TASP1: variants seen among roughly 807,000 people sequenced by gnomAD.
TASP1 encodes the protein taspase 1, also known as threonine aspartase 1.
A neutral mutation model predicts 56.6 loss-of-function variants in TASP1; 16 were observed. That is an observed-to-expected ratio of 0.28 (90% CI 0.19 to 0.43). The LOEUF (loss-of-function observed/expected upper bound fraction) is 0.43, where lower values mean the gene tolerates loss of function less well. Ranked by LOEUF, TASP1 falls within the 20% of genes least tolerant of loss-of-function variation. The probability of loss-of-function intolerance (pLI) is 1.00; values close to 1 mark genes in which losing one functional copy is unlikely to be tolerated. For synonymous variants in TASP1, 179 were observed against 184.2 expected, an observed-to-expected ratio of 0.97 and a Z score of 0.23; for missense variants, 393 against 511.6, an observed-to-expected ratio of 0.77 and a Z score of 2.24.
chr20:13,412,198 G>A (rs2042115463), intron 13 of TASP1, among the ~76,000 whole-genome samples: 1 of 151,994 alleles, frequency 6.6e-6, no homozygotes. Flanking sequence ...TGTGAATGGA[G>A]TGTCTCAGGA....
chr20:13,456,866 A>G (rs939544439), intron 11 of TASP1, among the ~76,000 whole-genome samples: 1 of 152,182 alleles, frequency 6.6e-6, no homozygotes, highest in Admixed American at 6.6e-5. Context: ...CTACTAGGAA[A>G]AAAATGGTCA....
At chr20:13,569,859 G>T (rs375284736) in intron 6 of TASP1, among the ~76,000 whole-genome samples, 4 of 152,172 alleles carry the variant, frequency 2.6e-5, no homozygotes, top group African/African-American at 9.6e-5. Flanking sequence ...TGTAAAAATG[G>T]TTGACTTCTC....
At position 13,595,346 on chromosome 20, in the gene TASP1, T is replaced by C. The variant is rs182594482; in HGVS notation, c.283-7976A>G. Among the ~76,000 whole-genome samples, 105 of 152,292 alleles carry C rather than the reference T, an allele frequency of 6.9e-4. 1 individual carries two copies. The highest frequency in any genetic ancestry group is 2.5e-3 in the African/African-American group (102 of 41,550). ...ACGGCAAAATAACCAGCTAACATCA[T>C]AATGACAGGATCAAATTCACACATC... On this transcript the variant is annotated intron_variant, in intron 4 of 13. Transcript: ENST00000337743.
chr20:13,190,304 A>G, the TASP1 span, among the ~76,000 whole-genome samples: 2 of 152,210 alleles, frequency 1.3e-5, no homozygotes, highest in African/African-American at 4.8e-5. Flanking sequence ...ACAAAGGTGA[A>G]GGCAACAGAC....
intron 11 of TASP1, among the ~76,000 whole-genome samples, chr20:13,465,178 CAAAAAAAA>C (rs771255579): frequency 1.7e-5 from 1 of 57,250 alleles, no homozygotes; most frequent in South Asian, 8.3e-4. Context: ...TTCTCTCTCC[CAAAAAAAA>C]AAAAAAAAAA....
At chr20:13,235,113 A>G in the TASP1 span, among the ~76,000 whole-genome samples, 2 of 152,350 alleles carry the variant, frequency 1.3e-5, no homozygotes, top group South Asian at 2.1e-4. Flanking sequence ...AATTATAAGC[A>G]TGTACTCTCA....
chr20:13,605,737 G>A (rs774721545), intron 4 of TASP1, among the ~76,000 whole-genome samples: 4 of 151,952 alleles, frequency 2.6e-5, no homozygotes, highest in Admixed American at 1.3e-4. Flanking sequence ...CTTTTTAAGC[G>A]GTCATCTGAT....
intron 11 of TASP1, among the ~76,000 whole-genome samples, chr20:13,446,882 A>G (rs559297906): frequency 6.6e-6 from 1 of 152,236 alleles, no homozygotes; most frequent in Admixed American, 6.6e-5. Context: ...CTTTTCAACA[A>G]TGAATATGCT....
At chr20:13,359,168 G>T in the TASP1 span, among the ~76,000 whole-genome samples, 1 of 141,218 alleles carries the variant, frequency 7.1e-6, no homozygotes. Context: ...CGGCACACAA[G>T]AACTTCCAAA....
intron 10 of TASP1, among the ~76,000 whole-genome samples, chr20:13,498,694 A>C (rs1601010067): frequency 1.1e-5 from 1 of 88,868 alleles, no homozygotes; most frequent in Non-Finnish European, 2.7e-5. Context: ...CAAACATACC[A>C]AAAAAAAAAA....
At chr20:13,376,021 A>C in the TASP1 span, among the ~76,000 whole-genome samples, 1 of 151,926 alleles carries the variant, frequency 6.6e-6, no homozygotes, top group African/African-American at 2.4e-5. Flanking sequence ...CCCATTCTGT[A>C]GGTTGCCTGT....
chr20:13,421,988 G>A (rs1256185642), intron 12 of TASP1, among the ~76,000 whole-genome samples: 1 of 132,402 alleles, frequency 7.6e-6, no homozygotes, highest in Non-Finnish European at 1.5e-5. Flanking sequence ...GTCTCGCTCT[G>A]TCACCCAGGC....
At chr20:13,602,905 A>G (rs535948882) in intron 4 of TASP1, among the ~76,000 whole-genome samples, 1 of 152,154 alleles carries the variant, frequency 6.6e-6, no homozygotes, top group Non-Finnish European at 1.5e-5. Context: ...ATTGTTTTGT[A>G]AATCTTTAAA....
At chr20:13,547,966 T>C (rs180923838) in intron 8 of TASP1, among the ~76,000 whole-genome samples, 98 of 152,048 alleles carry the variant, frequency 6.4e-4, no homozygotes, top group South Asian at 1.9e-3. Flanking sequence ...AGAGAGACAA[T>C]TGGAGCAGCA....
the TASP1 span, among the ~76,000 whole-genome samples, chr20:13,210,622 T>C: frequency 1.2e-4 from 17 of 143,844 alleles, 1 homozygote; most frequent in Non-Finnish European, 2.5e-4. Flanking sequence ...CACACGTGTG[T>C]GTGTGTGTGT....
chr20:13,110,425 G>T, the TASP1 span, among the ~76,000 whole-genome samples: 1 of 152,172 alleles, frequency 6.6e-6, no homozygotes, highest in Non-Finnish European at 1.5e-5. Context: ...GCAGCTTGGA[G>T]GCTGGCCGGC....
Position 13,390,228 on chromosome 20 carries a change from G to T in TASP1, c.*132C>A. 1.3e-6 allele frequency: 1 copy of T among 770,136 alleles called. No individual in the cohort carries two copies. Among genetic ancestry groups the T allele is most frequent in the Non-Finnish European group, 2.1e-6 (1 of 477,046 alleles). 47.7% of individuals were successfully genotyped at this position (770,136 alleles called of 1,614,324 possible). A position where few individuals can be genotyped will look rare whatever the true frequency, so the allele number is the denominator to read the frequency against. On this transcript the variant is annotated 3_prime_UTR_variant, in exon 14 of 14. Coordinates refer to ENST00000337743, the MANE Select transcript of TASP1 (RefSeq NM_017714.3). ...AAGCGCTAACTACAGCAGCACTTGTGTCTCGAGCAGTGCACGAGGTTGCAA... is the reference window on the plus strand; with the variant it reads ...AAGCGCTAACTACAGCAGCACTTGTTTCTCGAGCAGTGCACGAGGTTGCAA...
At chr20:13,345,251 T>C in the TASP1 span, among the ~76,000 whole-genome samples, 2 of 152,232 alleles carry the variant, frequency 1.3e-5, no homozygotes, top group Non-Finnish European at 2.9e-5. Context: ...TGTATGCATA[T>C]TGATTTTTAA....
the TASP1 span, among the ~76,000 whole-genome samples, chr20:13,319,379 G>A: frequency 6.6e-6 from 1 of 152,106 alleles, no homozygotes; most frequent in Admixed American, 6.6e-5. Flanking sequence ...GGAAGTTATT[G>A]AAAACAGAGC....
Sources: allele counts gnomAD v4.1 joint callset (sites outside exome capture counted in the v4.1 genomes callset), GRCh38; gene constraint gnomAD v4.1.1; transcripts MANE v1.5; gene names NCBI Gene and HGNC (gene_info 2026-07-23, HGNC 2026-07-21).